The following GPC5 variants were observed in gnomAD, a reference collection of about 807,000 sequenced individuals.
The protein encoded by GPC5 is glypican-5.
GPC5 carries 47 observed loss-of-function variants against 53.9 expected under a neutral mutation model. The ratio of observed to expected loss-of-function variants is 0.87; its 90% confidence interval spans 0.69 to 1.11. GPC5 has a LOEUF of 1.11. Among genes scored for constraint, GPC5 ranks in the 50% most tolerant of loss-of-function variants. The probability of loss-of-function intolerance (pLI) is 0.00; values close to 1 mark genes in which losing one functional copy is unlikely to be tolerated. For missense variants in GPC5, 748 were observed against 713.1 expected (o/e 1.05, Z -0.56); for synonymous variants, 286 against 263.3 (o/e 1.09, Z -0.84).
intron 6 of GPC5, among the ~76,000 whole-genome samples, chr13:92,119,861 G>A (rs2041634348): frequency 6.6e-6 from 1 of 151,908 alleles, no homozygotes; most frequent in Middle Eastern, 3.4e-3. Flanking sequence ...TATTCTCTCT[G>A]CACAACTATA....
chr13:91,922,555 C>A (rs532173883), intron 6 of GPC5, among the ~76,000 whole-genome samples: 1 of 152,168 alleles, frequency 6.6e-6, no homozygotes, highest in East Asian at 1.9e-4. Context: ...CCAATTATAT[C>A]TTTTTCTCTG....
At chr13:92,467,009 T>C (rs923148667) in intron 7 of GPC5, among the ~76,000 whole-genome samples, 5 of 152,162 alleles carry the variant, frequency 3.3e-5, no homozygotes, top group Admixed American at 6.6e-5. Flanking sequence ...CTGTTCAGGC[T>C]GTCCTTCCTA....
intron 4 of GPC5, among the ~76,000 whole-genome samples, chr13:91,740,638 G>A (rs754996953): frequency 6.6e-6 from 1 of 152,100 alleles, no homozygotes; most frequent in Non-Finnish European, 1.5e-5. Flanking sequence ...TACCAGTTAC[G>A]GAGGTCTCCA....
At chr13:91,552,417 G>A (rs966774379) in intron 2 of GPC5, among the ~76,000 whole-genome samples, 11 of 151,956 alleles carry the variant, frequency 7.2e-5, no homozygotes, top group Non-Finnish European at 1.3e-4. Flanking sequence ...AGGAATTAAA[G>A]ACACACACAC....
Position 92,446,507 on chromosome 13 carries a change from A to C in GPC5, c.1561+301518A>C, listed in dbSNP as rs1253514127. 4.6e-5 allele frequency: 7 copies of C among 151,640 alleles called. No individual in the cohort carries two copies. In the East Asian group the frequency reaches 1.2e-3, roughly 25 times the overall value. 9.4% of individuals were successfully genotyped at this position (151,640 alleles called of 1,614,324 possible). A position where few individuals can be genotyped will look rare whatever the true frequency, so the allele number is the denominator to read the frequency against. On this transcript the variant is annotated intron_variant, in intron 7 of 7. Coordinates refer to ENST00000377067, the MANE Select transcript of GPC5 (RefSeq NM_004466.6). Reference sequence around the variant, plus strand: ...TAGTGCTCCATTTTGTCTAAGTACCACATTTTCTTTATCCATTCATCTGCT... The same window carrying C: ...TAGTGCTCCATTTTGTCTAAGTACCCCATTTTCTTTATCCATTCATCTGCT...
chr13:92,832,218 C>T (rs555614111), intron 7 of GPC5, among the ~76,000 whole-genome samples: 4 of 152,204 alleles, frequency 2.6e-5, no homozygotes, highest in African/African-American at 9.6e-5. Flanking sequence ...ACGTTTAAAA[C>T]GTTAACTTAC....
At chr13:92,456,126 T>C (rs1472180916) in intron 7 of GPC5, among the ~76,000 whole-genome samples, 1 of 152,204 alleles carries the variant, frequency 6.6e-6, no homozygotes, top group Non-Finnish European at 1.5e-5. Context: ...TATCCTGACA[T>C]TAAAGTGTTG....
chr13:91,931,505 T>C (rs188244408), intron 6 of GPC5, among the ~76,000 whole-genome samples: 1 of 152,158 alleles, frequency 6.6e-6, no homozygotes, highest in Non-Finnish European at 1.5e-5. Context: ...CTTGTTCACA[T>C]GGAATTTCTG....
At position 92,300,460 on chromosome 13, in the gene GPC5, A is replaced by G. The variant is rs116448959; in HGVS notation, c.1561+155471A>G. Among the ~76,000 whole-genome samples the G allele has an allele frequency of 4.3e-3, 654 of 152,270 alleles. 4 individuals are homozygous for G. Among genetic ancestry groups the G allele is most frequent in the African/African-American group, 0.015 (630 of 41,556 alleles). On this transcript the variant is annotated intron_variant, in intron 7 of 7. Coordinates refer to ENST00000377067, the MANE Select transcript of GPC5 (RefSeq NM_004466.6). ...GACCCCAAATTTGCATTTCTAACAA[A>G]TTCCAATGACACTGATGTTGCTATT...
intron 7 of GPC5, among the ~76,000 whole-genome samples, chr13:92,500,398 T>A (rs979619354): frequency 6.6e-6 from 1 of 152,156 alleles, no homozygotes; most frequent in Admixed American, 6.5e-5. Flanking sequence ...AGAAGGTAAT[T>A]ACTGTTGCCG....
intron 7 of GPC5, among the ~76,000 whole-genome samples, chr13:92,814,615 C>T (rs1047601961): frequency 2.0e-5 from 3 of 150,780 alleles, no homozygotes; most frequent in Non-Finnish European, 2.9e-5. Context: ...GAGCCGAGAT[C>T]GTGCCATTGC....
intron 2 of GPC5, among the ~76,000 whole-genome samples, chr13:91,575,991 T>C (rs959440463): frequency 1.3e-5 from 2 of 152,166 alleles, no homozygotes; most frequent in Non-Finnish European, 2.9e-5. Context: ...TGGCAACATT[T>C]ATTTAGCATG....
At chr13:92,244,880 A>AG (rs1287573382) in intron 7 of GPC5, among the ~76,000 whole-genome samples, 1 of 152,054 alleles carries the variant, frequency 6.6e-6, no homozygotes, top group Non-Finnish European at 1.5e-5. Context: ...TCTATTAAAA[A>AG]TACAAAAATT....
At chr13:92,230,128 T>A (rs1398331391) in intron 7 of GPC5, among the ~76,000 whole-genome samples, 1 of 152,146 alleles carries the variant, frequency 6.6e-6, no homozygotes, top group Non-Finnish European at 1.5e-5. Flanking sequence ...TGTGGTCTTG[T>A]GTGAAATAAC....
At chr13:92,117,365 CAT>C (rs1225467516) in intron 6 of GPC5, among the ~76,000 whole-genome samples, 1 of 152,098 alleles carries the variant, frequency 6.6e-6, no homozygotes, top group Non-Finnish European at 1.5e-5. Flanking sequence ...TCTCCAGTAA[CAT>C]GTTGTCTTAT....
chr13:91,980,560 G>T (rs1469715678), intron 6 of GPC5, among the ~76,000 whole-genome samples: 1 of 152,032 alleles, frequency 6.6e-6, no homozygotes, highest in African/African-American at 2.4e-5. Flanking sequence ...CATTTTGTTT[G>T]TTTGCGAACT....
chr13:92,490,080 G>C, intron 7 of GPC5: 1 of 154,020 alleles, frequency 6.5e-6, no homozygotes, highest in Middle Eastern at 6.3e-4. Context: ...TCTATAATGT[G>C]CAGTTAAACT....
intron 7 of GPC5, among the ~76,000 whole-genome samples, chr13:92,509,004 A>G (rs1455081989): frequency 6.6e-6 from 1 of 152,178 alleles, no homozygotes; most frequent in Non-Finnish European, 1.5e-5. Flanking sequence ...ATAGAGAAAA[A>G]CCTGTGCTTG....
intron 1 of GPC5, among the ~76,000 whole-genome samples, chr13:91,401,199 A>G (rs1876926179): frequency 6.6e-6 from 1 of 152,176 alleles, no homozygotes; most frequent in Admixed American, 6.5e-5. Flanking sequence ...AATTTGATAT[A>G]ATTCTGAAGT....
Sources: gnomAD v4.1 joint callset for allele counts (sites outside exome capture counted in the v4.1 genomes callset) on GRCh38, gnomAD v4.1.1 for gene constraint, MANE v1.5 for transcripts, NCBI Gene and HGNC (gene_info 2026-07-23, HGNC 2026-07-21) for gene names.